TRPM3: variants seen among roughly 807,000 people sequenced by gnomAD.
TRPM3 encodes transient receptor potential cation channel subfamily M member 3.
In TRPM3, 77 loss-of-function variants were observed where a neutral mutation model predicts 181.2. That is an observed-to-expected ratio of 0.42 (90% confidence interval 0.35 to 0.51). The LOEUF (loss-of-function observed/expected upper bound fraction) is 0.51. Ranked by LOEUF, TRPM3 falls within the 20% of genes least tolerant of loss-of-function variation. The probability of loss-of-function intolerance (pLI) is 0.01; values close to 1 mark genes in which losing one functional copy is unlikely to be tolerated. For missense variants in TRPM3, 1,759 were observed against 2,196.7 expected, an observed-to-expected ratio of 0.80 and a Z score of 3.98; for synonymous variants, 745 against 796.4, an observed-to-expected ratio of 0.94 and a Z score of 1.09.
At chr9:71,313,914 T>A (rs1156268160) in intron 1 of TRPM3, among the ~76,000 whole-genome samples, 1 of 152,190 alleles carries the variant, frequency 6.6e-6, no homozygotes, top group Non-Finnish European at 1.5e-5. Flanking sequence ...ACTGTTAACA[T>A]TTTAGCAGTT....
At chr9:71,017,692 A>G (rs1235545263) in intron 1 of TRPM3, among the ~76,000 whole-genome samples, 2 of 151,874 alleles carry the variant, frequency 1.3e-5, no homozygotes, top group Non-Finnish European at 3.0e-5. Flanking sequence ...CTTAAAATTT[A>G]TAAAGCAAAA....
chr9:71,081,304 G>A (rs1018140103), intron 1 of TRPM3, among the ~76,000 whole-genome samples: 1 of 152,136 alleles, frequency 6.6e-6, no homozygotes. Flanking sequence ...GGGCTCTCAA[G>A]GAAGACTGCC....
At chr9:70,537,555 G>C in intron 25 of TRPM3, 150 bp from the exon 26 acceptor site, 1 of 529,864 alleles carries the variant, frequency 1.9e-6, no homozygotes, top group African/African-American at 2.0e-5. Context: ...GGGGAGGAGA[G>C]AATGACATTG....
intron 1 of TRPM3, among the ~76,000 whole-genome samples, chr9:71,087,894 A>C (rs2133857973): frequency 6.6e-6 from 1 of 152,258 alleles, no homozygotes; most frequent in Admixed American, 6.5e-5. Context: ...TAGAAGTTCA[A>C]ATATTTGGAA....
chr9:71,031,985 TATTA>T (rs2057399072), intron 1 of TRPM3, among the ~76,000 whole-genome samples: 1 of 674 alleles, frequency 1.5e-3, no homozygotes, highest in Non-Finnish European at 1.9e-3. Flanking sequence ...TATATATATA[TATTA>T]TATATATATA....
At chr9:71,262,716 G>A (rs180700101) in intron 1 of TRPM3, among the ~76,000 whole-genome samples, 15 of 152,320 alleles carry the variant, frequency 9.8e-5, no homozygotes, top group African/African-American at 1.4e-4. Flanking sequence ...TGGGAAAAGC[G>A]TAGTATCTGG....
intron 1 of TRPM3, among the ~76,000 whole-genome samples, chr9:71,136,812 A>G (rs1268010187): frequency 6.6e-6 from 1 of 152,216 alleles, no homozygotes; most frequent in Non-Finnish European, 1.5e-5. Flanking sequence ...AGCCCTGGAA[A>G]AGGCAAGGAA....
chr9:70,643,059 T>A (rs2058297792), intron 9 of TRPM3, among the ~76,000 whole-genome samples: 1 of 152,206 alleles, frequency 6.6e-6, no homozygotes, highest in African/African-American at 2.4e-5. Context: ...AGTAAATTTA[T>A]TAGTGTTTAC....
intron 1 of TRPM3, among the ~76,000 whole-genome samples, chr9:71,384,409 T>C (rs1464053533): frequency 1.3e-5 from 2 of 152,194 alleles, no homozygotes; most frequent in Non-Finnish European, 2.9e-5. Flanking sequence ...AGAAAAGATA[T>C]TAATTTGGCA....
At chr9:71,058,946 C>T (rs1408770453) in intron 1 of TRPM3, among the ~76,000 whole-genome samples, 3 of 148,644 alleles carry the variant, frequency 2.0e-5, no homozygotes, top group African/African-American at 7.4e-5. Flanking sequence ...TAAGATGTTG[C>T]TCCATTCATG....
intron 1 of TRPM3, among the ~76,000 whole-genome samples, chr9:71,395,273 A>G (rs1753763383): frequency 6.6e-6 from 1 of 152,206 alleles, no homozygotes; most frequent in Admixed American, 6.5e-5. Context: ...TTTGGCACTT[A>G]ATTATGTGAT....
intron 22 of TRPM3, among the ~76,000 whole-genome samples, chr9:70,554,298 A>G (rs1193624787): frequency 1.3e-5 from 2 of 152,098 alleles, no homozygotes; most frequent in Non-Finnish European, 2.9e-5. Flanking sequence ...AGCCCCCTAT[A>G]ATGGCTTTAG....
chr9:71,204,331 T>C (rs1372511188), intron 1 of TRPM3, among the ~76,000 whole-genome samples: 3 of 151,648 alleles, frequency 2.0e-5, no homozygotes, highest in Non-Finnish European at 4.4e-5. Flanking sequence ...AGGGCTAATA[T>C]CCAGAATCTA....
chr9:70,993,128 A>C (rs949475056), intron 1 of TRPM3, among the ~76,000 whole-genome samples: 1 of 152,180 alleles, frequency 6.6e-6, no homozygotes, highest in South Asian at 2.1e-4. Context: ...GGACTCTGTA[A>C]ACCAATGTAA....
chr9:71,398,257 C>T (rs998009393), intron 1 of TRPM3, among the ~76,000 whole-genome samples: 1 of 152,310 alleles, frequency 6.6e-6, no homozygotes, highest in African/African-American at 2.4e-5. Context: ...CAGTTCTTAT[C>T]CCGGCTGCAT....
Position 70,973,547 on chromosome 9 carries a change from C to A in TRPM3, c.178-109036G>T, listed in dbSNP as rs992784572. 5.3e-5 allele frequency among the ~76,000 whole-genome samples: 8 copies of A among 152,094 alleles called. No homozygotes were observed. In the East Asian group the frequency reaches 5.8e-4, roughly 11 times the overall value. ...CTCACTAAACCCAAATGTACAGCATCCTTAAGTTAAAAAATGAAAAAGATG... is the reference window on the plus strand; with the variant it reads ...CTCACTAAACCCAAATGTACAGCATACTTAAGTTAAAAAATGAAAAAGATG... On this transcript the variant is annotated intron_variant, in intron 1 of 25. Coordinates refer to ENST00000677713, the MANE Select transcript of TRPM3 (RefSeq NM_001366145.2).
At chr9:71,327,445 G>A (rs542780970) in intron 1 of TRPM3, among the ~76,000 whole-genome samples, 51 of 152,110 alleles carry the variant, frequency 3.4e-4, no homozygotes, top group Admixed American at 1.4e-3. Flanking sequence ...GGTTTTCCAG[G>A]GATATAGAGA....
chr9:71,114,144 T>C (rs1277161039), intron 1 of TRPM3, among the ~76,000 whole-genome samples: 1 of 152,198 alleles, frequency 6.6e-6, no homozygotes, highest in Non-Finnish European at 1.5e-5. Context: ...CCTACCTACC[T>C]ACCTACCTAT....
intron 1 of TRPM3, among the ~76,000 whole-genome samples, chr9:71,160,140 C>T (rs1162604846): frequency 6.6e-6 from 1 of 152,078 alleles, no homozygotes; most frequent in East Asian, 1.9e-4. Flanking sequence ...CACACTTTGG[C>T]CTTGTAACTC....
Sources: gnomAD v4.1 joint callset for allele counts (sites outside exome capture counted in the v4.1 genomes callset) on GRCh38, gnomAD v4.1.1 for gene constraint, MANE v1.5 for transcripts, NCBI Gene and HGNC (gene_info 2026-07-23, HGNC 2026-07-21) for gene names.